Variants in ARHGAP6 observed in about 807,000 individuals in gnomAD.
The protein encoded by ARHGAP6 is Rho GTPase activating protein 6.
A neutral mutation model predicts 55.7 loss-of-function variants in ARHGAP6; 16 were observed. That is an observed-to-expected ratio of 0.29 (90% CI 0.19 to 0.44). The LOEUF (loss-of-function observed/expected upper bound fraction) is 0.44, where lower values mean the gene tolerates loss of function less well. Ranked by LOEUF, ARHGAP6 falls within the 20% of genes least tolerant of loss-of-function variation. The probability of loss-of-function intolerance (pLI) is 1.00; values close to 1 mark genes in which losing one functional copy is unlikely to be tolerated. For missense variants in ARHGAP6, 698 were observed against 808.9 expected, an observed-to-expected ratio of 0.86 and a Z score of 1.66; for synonymous variants, 382 against 360.9, an observed-to-expected ratio of 1.06 and a Z score of -0.66.
In ARHGAP6 at chrX:11,379,716, C is replaced by A. The variant is rs146263678; in HGVS notation, c.589-125009G>T. ...AACATAATCTTTAATCTGGAAGTAA[C>A]CCCAAAGCTTTCTCATGAAATTTCT... On this transcript the variant is annotated intron_variant, in intron 1 of 12. Transcript: ENST00000337414. 3.4e-4 allele frequency among the ~76,000 whole-genome samples: 38 copies of A among 111,289 alleles called. No homozygotes were observed. The East Asian group carries it at 0.011, about 31-fold the overall frequency.
At chrX:11,301,004 T>C (rs1410232516) in intron 1 of ARHGAP6, among the ~76,000 whole-genome samples, 1 of 112,006 alleles carries the variant, frequency 8.9e-6, no homozygotes, top group Non-Finnish European at 1.9e-5. Flanking sequence ...TTTATGAATA[T>C]GTACAATAAC....
chrX:11,373,253 A>C (rs1301684400), intron 1 of ARHGAP6, among the ~76,000 whole-genome samples: 1 of 110,259 alleles, frequency 9.1e-6, no homozygotes, highest in Non-Finnish European at 1.9e-5. Context: ...CAGACCGACA[A>C]ATTCCTGCTT....
chrX:11,360,693 A>G (rs1408395757), intron 1 of ARHGAP6, among the ~76,000 whole-genome samples: 5 of 109,475 alleles, frequency 4.6e-5, no homozygotes, highest in African/African-American at 1.7e-4. Context: ...AGGGTATTCA[A>G]TTAGGAAAAG....
intron 1 of ARHGAP6, among the ~76,000 whole-genome samples, chrX:11,470,840 G>T (rs2147826769): frequency 8.9e-6 from 1 of 111,870 alleles, no homozygotes; most frequent in East Asian, 2.8e-4. Flanking sequence ...ATGCTCTGCT[G>T]CTGCCATCTT....
At chrX:11,456,809 A>G (rs2050198003) in intron 1 of ARHGAP6, among the ~76,000 whole-genome samples, 1 of 112,734 alleles carries the variant, frequency 8.9e-6, no homozygotes, top group South Asian at 3.6e-4. Flanking sequence ...TCTATTCCAA[A>G]TATTACAAAA....
intron 1 of ARHGAP6, among the ~76,000 whole-genome samples, chrX:11,330,394 C>A (rs1569302699): frequency 8.9e-6 from 1 of 111,794 alleles, no homozygotes; most frequent in East Asian, 2.8e-4. Context: ...TTCATAACAT[C>A]ACTTTTCACC....
At chrX:11,229,333 G>A (rs1452176144) in intron 2 of ARHGAP6, among the ~76,000 whole-genome samples, 1 of 112,049 alleles carries the variant, frequency 8.9e-6, no homozygotes, top group Non-Finnish European at 1.9e-5. Flanking sequence ...CTGAGCCATT[G>A]GCTTGTGGGT....
chrX:11,448,631 T>C (rs147405580), intron 1 of ARHGAP6, among the ~76,000 whole-genome samples: 1,460 of 111,501 alleles, frequency 0.013, 13 homozygotes, highest in African/African-American at 0.033. Context: ...CCTTAAAATA[T>C]GCTGCTGTAT....
chrX:11,309,262 A>G (rs534273815), intron 1 of ARHGAP6, among the ~76,000 whole-genome samples: 1 of 111,324 alleles, frequency 9.0e-6, no homozygotes, highest in Non-Finnish European at 1.9e-5. Context: ...GGGTTCTTAC[A>G]CCTCAGCAAT....
chrX:11,263,506 T>G (rs2047587236), intron 1 of ARHGAP6, among the ~76,000 whole-genome samples: 1 of 112,109 alleles, frequency 8.9e-6, no homozygotes, highest in Non-Finnish European at 1.9e-5. Context: ...AAGAAATGTG[T>G]GCTGAATTAC....
chrX:11,606,928 A>G (rs951966849), intron 1 of ARHGAP6, among the ~76,000 whole-genome samples: 2 of 111,868 alleles, frequency 1.8e-5, no homozygotes, highest in African/African-American at 6.5e-5. Context: ...TCAATACTTC[A>G]TTCTCTCAAG....
chrX:11,621,073 C>A (rs2052223417), intron 1 of ARHGAP6, among the ~76,000 whole-genome samples: 1 of 111,231 alleles, frequency 9.0e-6, no homozygotes, highest in Non-Finnish European at 1.9e-5. Flanking sequence ...GTGGTTTTGT[C>A]CTGGGGACCC....
intron 1 of ARHGAP6, chrX:11,300,655 C>T (rs1460291653): frequency 1.7e-6 from 2 of 1,151,979 alleles, no homozygotes; most frequent in Non-Finnish European, 2.4e-6. Flanking sequence ...CAGATGCTTT[C>T]AGGAGTGACA....
At chrX:11,181,029 A>G (rs867591172) in intron 6 of ARHGAP6, among the ~76,000 whole-genome samples, 1 of 112,315 alleles carries the variant, frequency 8.9e-6, no homozygotes, top group African/African-American at 3.2e-5. Context: ...AAGGGGCTAC[A>G]CTCACAGCCG....
intron 1 of ARHGAP6, among the ~76,000 whole-genome samples, chrX:11,553,634 T>C (rs902333650): frequency 1.2e-4 from 13 of 112,017 alleles, no homozygotes; most frequent in Admixed American, 6.6e-4. Context: ...GCATTTTTAC[T>C]CTTGAAGCAA....
intron 1 of ARHGAP6, among the ~76,000 whole-genome samples, chrX:11,618,288 T>G (rs2052189382): frequency 8.9e-6 from 1 of 112,023 alleles, no homozygotes; most frequent in African/African-American, 3.2e-5. Flanking sequence ...GATAACAAAT[T>G]TGTGCTGTTC....
At chrX:11,352,700 T>C (rs1168610817) in intron 1 of ARHGAP6, among the ~76,000 whole-genome samples, 1 of 111,778 alleles carries the variant, frequency 8.9e-6, no homozygotes, top group African/African-American at 3.3e-5. Context: ...TTTGGTGTTG[T>C]ATCTCTCTTA....
At chrX:11,662,407 A>AAC (rs150974482) in intron 1 of ARHGAP6, among the ~76,000 whole-genome samples, 15,574 of 109,874 alleles carry the variant, frequency 0.14, 1,056 homozygotes, top group Middle Eastern at 0.26. Context: ...AGGAATTTCC[A>AAC]ACACACACAC....
intron 5 of ARHGAP6, among the ~76,000 whole-genome samples, chrX:11,184,386 C>G (rs2046360611): frequency 8.9e-6 from 1 of 112,278 alleles, no homozygotes; most frequent in South Asian, 3.7e-4. Context: ...CGGTGCCCAG[C>G]CTTAAATCTT....
Sources: allele counts gnomAD v4.1 joint callset (sites outside exome capture counted in the v4.1 genomes callset), GRCh38; gene constraint gnomAD v4.1.1; transcripts MANE v1.5; gene names NCBI Gene and HGNC (gene_info 2026-07-23, HGNC 2026-07-21).